PTPN3: variants seen among roughly 807,000 people sequenced by gnomAD.
The protein encoded by PTPN3 is tyrosine-protein phosphatase non-receptor type 3.
A neutral mutation model predicts 132.7 loss-of-function variants in PTPN3; 96 were observed. That is an observed-to-expected ratio of 0.72 (90% CI 0.61 to 0.86). PTPN3 has a LOEUF of 0.86. Ranked by LOEUF, PTPN3 falls within the 40% of genes least tolerant of loss-of-function variation. The pLI is 0.00. For synonymous variants in PTPN3, 398 were observed against 429.0 expected (o/e 0.93, Z 0.89); for missense variants, 1,125 against 1,159.6 (o/e 0.97, Z 0.43).
At chr9:109,383,398 C>A in intron 23 of PTPN3, 25 bp downstream of exon 23, 1 of 1,614,118 alleles carries the variant, frequency 6.2e-7, no homozygotes, top group Non-Finnish European at 8.5e-7. Flanking sequence ...TGCCCCTCCA[C>A]CGTGCCCCTC....
At chr9:109,383,667 T>C (rs1400463304) in intron 22 of PTPN3, 116 bp from the exon 23 acceptor site, 1 of 1,412,806 alleles carries the variant, frequency 7.1e-7, no homozygotes, top group Non-Finnish European at 9.6e-7. Flanking sequence ...AGAGCACTGA[T>C]GGGAGAAAAC....
rs117705693 is a variant in PTPN3 at position 109,448,534 on chromosome 9, C to T, written c.413+277G>A. ...GCCCATTGTACATTCTGGGTCCCCTCCTCCCTTTAAAATTTCTCAGGTCTT... is the reference window on the plus strand; with the variant it reads ...GCCCATTGTACATTCTGGGTCCCCTTCTCCCTTTAAAATTTCTCAGGTCTT... On this transcript the variant is annotated intron_variant, in intron 6 of 25. Transcript: ENST00000374541. Among the ~76,000 whole-genome samples, 1,359 of 152,278 alleles carry T rather than the reference C, an allele frequency of 8.9e-3. 12 individuals carry two copies. The highest frequency in any genetic ancestry group is 0.05 in the East Asian group (259 of 5,182).
chr9:109,491,470 T>C (rs1041925222), intron 1 of PTPN3, among the ~76,000 whole-genome samples: 6 of 152,046 alleles, frequency 3.9e-5, no homozygotes, highest in Non-Finnish European at 5.9e-5. Context: ...GATTTATTCT[T>C]ACAACCTTCC....
intron 2 of PTPN3, among the ~76,000 whole-genome samples, chr9:109,463,086 A>G (rs56662413): frequency 0.32 from 48,411 of 150,674 alleles, 8,406 homozygotes; most frequent in African/African-American, 0.42. Context: ...AGTTCACACC[A>G]CACAGAAGGG....
chr9:109,382,944 T>C lies in PTPN3; in HGVS notation c.2382+479A>G, dbSNP rs145244666. Among the ~76,000 whole-genome samples, 1,322 of 152,218 alleles carry C rather than the reference T, an allele frequency of 8.7e-3. 19 individuals carry two copies. The highest frequency in any genetic ancestry group is 0.03 in the African/African-American group (1,247 of 41,520). On this transcript the variant is annotated intron_variant, in intron 23 of 25. Transcript: ENST00000374541. Reference sequence around the variant, plus strand: ...GCACCCATTATGCCATATGGCAAAATGTCCATAGATGTCCTTTCTCCTCCT... The same window carrying C: ...GCACCCATTATGCCATATGGCAAAACGTCCATAGATGTCCTTTCTCCTCCT...
chr9:109,392,958 T>C (rs1039021540), intron 19 of PTPN3: 3 of 152,206 alleles, frequency 2.0e-5, no homozygotes, highest in South Asian at 2.1e-4. Flanking sequence ...TAAAAGAAGA[T>C]AGTAAGTATT....
At chr9:109,480,316 C>T (rs572295697) in intron 1 of PTPN3, among the ~76,000 whole-genome samples, 1 of 152,204 alleles carries the variant, frequency 6.6e-6, no homozygotes, top group East Asian at 1.9e-4. Context: ...TACAGGCACA[C>T]ACCACACCTG....
chr9:109,413,046 C>T (rs1425007317), intron 14 of PTPN3, among the ~76,000 whole-genome samples: 1 of 151,362 alleles, frequency 6.6e-6, no homozygotes, highest in East Asian at 1.9e-4. Flanking sequence ...GCCAGGTTCA[C>T]ACCATTCTCC....
At chr9:109,509,334 G>A in the PTPN3 span, among the ~76,000 whole-genome samples, 2 of 152,206 alleles carry the variant, frequency 1.3e-5, no homozygotes, top group African/African-American at 4.8e-5. Context: ...CACACTGTAG[G>A]GTAAATGCAT....
intron 1 of PTPN3, among the ~76,000 whole-genome samples, chr9:109,492,448 G>T (rs186510138): frequency 5.3e-4 from 80 of 152,324 alleles, no homozygotes; most frequent in Admixed American, 5.2e-3. Context: ...CACCCACAGC[G>T]ACTCTCAGCA....
intron 1 of PTPN3, among the ~76,000 whole-genome samples, chr9:109,483,164 C>G (rs896709338): frequency 6.6e-6 from 1 of 152,238 alleles, no homozygotes; most frequent in Admixed American, 6.5e-5. Context: ...CCCTCCACAC[C>G]TTCAGAGAAC....
chr9:109,461,467 A>G (rs1340393972), intron 2 of PTPN3, among the ~76,000 whole-genome samples: 1 of 152,236 alleles, frequency 6.6e-6, no homozygotes, highest in Non-Finnish European at 1.5e-5. Context: ...TAAAATACAA[A>G]ATTTAAGCCA....
intron 4 of PTPN3, among the ~76,000 whole-genome samples, chr9:109,455,769 C>A (rs143777510): frequency 6.6e-6 from 1 of 152,182 alleles, no homozygotes; most frequent in South Asian, 2.1e-4. Context: ...CATAGAATGT[C>A]GAACCCTCTG....
At chr9:109,432,114 A>G (rs955030177) in intron 10 of PTPN3, among the ~76,000 whole-genome samples, 2 of 149,602 alleles carry the variant, frequency 1.3e-5, no homozygotes, top group African/African-American at 4.9e-5. Context: ...AATATTATAT[A>G]TATTATTATA....
the PTPN3 span, chr9:109,532,939 T>G: frequency 1.4e-6 from 1 of 720,590 alleles, no homozygotes; most frequent in Non-Finnish European, 1.9e-6. Flanking sequence ...GGTTTTCTTT[T>G]CTGGGTTTTT....
chr9:109,395,744 G>A (rs1840526599), intron 19 of PTPN3, among the ~76,000 whole-genome samples: 1 of 151,748 alleles, frequency 6.6e-6, no homozygotes, highest in Non-Finnish European at 1.5e-5. Flanking sequence ...CCAATATTGT[G>A]CCACTGCACT....
intron 19 of PTPN3, among the ~76,000 whole-genome samples, chr9:109,395,076 C>T (rs1840457704): frequency 6.6e-6 from 1 of 150,848 alleles, no homozygotes; most frequent in Admixed American, 6.6e-5. Flanking sequence ...GGAGGCAGAG[C>T]TTGCAGTGAG....
chr9:109,415,036 G>GTCCATCCGTCCGTCCA (rs1842366327), intron 14 of PTPN3, among the ~76,000 whole-genome samples: 5 of 145,812 alleles, frequency 3.4e-5, no homozygotes, highest in East Asian at 2.0e-4. Context: ...CCGTCTGTCC[G>GTCCATCCGTCCGTCCA]TCCGTCCGTC....
At chr9:109,379,793 T>A (rs369528826) in intron 25 of PTPN3, among the ~76,000 whole-genome samples, 160 bp from the exon 26 acceptor site, 22 of 152,018 alleles carry the variant, frequency 1.4e-4, no homozygotes, top group African/African-American at 5.3e-4. Flanking sequence ...TCCTATATGA[T>A]GCGGGGAGGG....
Sources: gnomAD v4.1 joint callset for allele counts (sites outside exome capture counted in the v4.1 genomes callset) on GRCh38, gnomAD v4.1.1 for gene constraint, MANE v1.5 for transcripts, NCBI Gene and HGNC (gene_info 2026-07-23, HGNC 2026-07-21) for gene names.